The following BCAS3 variants were observed in gnomAD, a reference collection of about 807,000 sequenced individuals.
BCAS3 encodes BCAS3 microtubule associated cell migration factor, also known as BCAS4/BCAS3 fusion.
In BCAS3, 53 loss-of-function variants were observed where a neutral mutation model predicts 116.1. That is an observed-to-expected ratio of 0.46 (90% confidence interval 0.37 to 0.57). BCAS3 has a LOEUF of 0.57. BCAS3 is among the 20% of genes least tolerant of loss of function. BCAS3 has a pLI of 0.00. For missense variants in BCAS3, 917 were observed against 1,165.4 expected (o/e 0.79, Z 3.10); for synonymous variants, 391 against 408.2 (o/e 0.96, Z 0.51).
At chr17:60,927,264 G>GTT (rs1479322876) in intron 13 of BCAS3, among the ~76,000 whole-genome samples, 1 of 144,738 alleles carries the variant, frequency 6.9e-6, no homozygotes, top group African/African-American at 2.5e-5. Flanking sequence ...TTTTTTGTTT[G>GTT]TTTTTTTTTT....
chr17:61,201,385 TG>T (rs2080807082), intron 22 of BCAS3, among the ~76,000 whole-genome samples: 2 of 152,380 alleles, frequency 1.3e-5, no homozygotes, highest in East Asian at 3.9e-4. Context: ...GAATGTAATG[TG>T]GAAACCATCC....
At chr17:60,696,205 G>A (rs1392463836) in intron 4 of BCAS3, 2 of 152,236 alleles carry the variant, frequency 1.3e-5, no homozygotes, top group African/African-American at 4.8e-5. Context: ...TTGCTCAGCT[G>A]GTCATGTGCC....
intron 4 of BCAS3, among the ~76,000 whole-genome samples, chr17:60,700,373 C>T (rs1375726940): frequency 2.0e-5 from 3 of 152,116 alleles, no homozygotes; most frequent in African/African-American, 4.8e-5. Context: ...AAAGTGGTTC[C>T]TGGCTTTGCC....
At chr17:61,174,473 G>A (rs574024032) in intron 22 of BCAS3, among the ~76,000 whole-genome samples, 1 of 152,298 alleles carries the variant, frequency 6.6e-6, no homozygotes, top group South Asian at 2.1e-4. Flanking sequence ...GCTCATCCAT[G>A]TTGTCACAAA....
At chr17:60,727,384 A>T in intron 5 of BCAS3, 7 of 1,587,366 alleles carry the variant, frequency 4.4e-6, no homozygotes, top group Non-Finnish European at 6.1e-6. Flanking sequence ...TTCCCTGGGC[A>T]TACAAGGAAT....
intron 22 of BCAS3, among the ~76,000 whole-genome samples, chr17:61,231,715 A>G (rs139020034): frequency 7.2e-4 from 110 of 152,096 alleles, no homozygotes; most frequent in African/African-American, 2.6e-3. Context: ...CGTCTCTACA[A>G]AATAATTTTA....
At chr17:61,264,981 G>A (rs1178806834) in intron 22 of BCAS3, among the ~76,000 whole-genome samples, 1 of 152,220 alleles carries the variant, frequency 6.6e-6, no homozygotes, top group Non-Finnish European at 1.5e-5. Context: ...AAATTGCCCT[G>A]TGTGGTCTTT....
intron 23 of BCAS3, chr17:61,383,295 C>T (rs1222063824): frequency 6.6e-6 from 1 of 152,322 alleles, no homozygotes; most frequent in Non-Finnish European, 1.5e-5. Context: ...CCCTCAAGCA[C>T]TTCCTACTGT....
At chr17:60,919,104 T>C (rs1023424928) in intron 12 of BCAS3, among the ~76,000 whole-genome samples, 5 of 152,192 alleles carry the variant, frequency 3.3e-5, no homozygotes, top group African/African-American at 1.2e-4. Flanking sequence ...TCCTGAATTG[T>C]TTTTCTTATT....
chr17:60,935,872 T>A (rs1225805888), intron 13 of BCAS3, among the ~76,000 whole-genome samples: 1 of 152,008 alleles, frequency 6.6e-6, no homozygotes. Context: ...TTTTTTTTTT[T>A]ATACTTTAAG....
rs1321003995 is a variant in BCAS3, at chr17:61,220,122, C to T, written c.2425+135558C>T. ...CAGCCTGGCCAATACAGTGAAATCA[C>T]GTCTCTACTAATAATACAAAAATTA... On this transcript the variant is annotated intron_variant, in intron 22 of 23. Coordinates refer to ENST00000407086, the MANE Select transcript of BCAS3 (RefSeq NM_017679.5). This position sits in a 1 kb window ranked among gnomAD's most constrained non-coding sequence, Gnocchi z 4.5. Among the ~76,000 whole-genome samples, 10 of 152,034 alleles carry T rather than the reference C, an allele frequency of 6.6e-5. No individual in the cohort carries two copies. In the East Asian group the frequency reaches 1.4e-3, roughly 21 times the overall value.
chr17:60,893,154 A>T (rs919521665), intron 10 of BCAS3, among the ~76,000 whole-genome samples: 5 of 151,618 alleles, frequency 3.3e-5, no homozygotes, highest in African/African-American at 1.2e-4. Flanking sequence ...TCTTAGTTGG[A>T]TGCATAATTT....
At chr17:61,165,690 AAAACAAAC>A (rs559052743) in intron 22 of BCAS3, among the ~76,000 whole-genome samples, 1 of 152,338 alleles carries the variant, frequency 6.6e-6, no homozygotes, top group South Asian at 2.1e-4. Context: ...CTGTCTCAGA[AAAACAAAC>A]AAACAAACAA....
In BCAS3 at chr17:60,961,324, A is replaced by G. The variant is rs1224510120; in HGVS notation, c.1221+13972A>G. On this transcript the variant is annotated intron_variant, in intron 14 of 23. Coordinates refer to ENST00000407086, the MANE Select transcript of BCAS3 (RefSeq NM_017679.5). The surrounding 1 kb of genome is among the most constrained non-coding windows in gnomAD (Gnocchi z 4.8). The stretch of plus-strand genomic sequence containing the variant: ...TAGGGCATTACAGAGGTTTATCAGC[A>G]TACATGATTCTGGCGGCTGGCTAGG... Among the ~76,000 whole-genome samples the G allele has an allele frequency of 2.0e-5, 3 of 152,154 alleles. No homozygotes were observed. The highest frequency in any genetic ancestry group is 4.8e-5 in the African/African-American group (2 of 41,438).
intron 22 of BCAS3, among the ~76,000 whole-genome samples, chr17:61,350,789 C>T (rs1780807491): frequency 6.6e-6 from 1 of 152,124 alleles, no homozygotes; most frequent in African/African-American, 2.4e-5. Context: ...TGTGCCACCA[C>T]ACCTGGCTAC....
chr17:60,709,397 C>CTT (rs113697207), intron 5 of BCAS3, 72 bp downstream of exon 5: 208 of 804,904 alleles, frequency 2.6e-4, no homozygotes, highest in African/African-American at 1.3e-3. Context: ...TCTGTAGATA[C>CTT]TTTTTTTTTT....
intron 13 of BCAS3, among the ~76,000 whole-genome samples, chr17:60,936,222 T>G (rs1599803885): frequency 6.6e-6 from 1 of 150,574 alleles, no homozygotes; most frequent in Non-Finnish European, 1.5e-5. Flanking sequence ...TATTCCATGG[T>G]GTATATGTGC....
rs2058860271 is a variant in BCAS3, at chr17:61,368,489, G to A, written c.2588G>A (p.Gly863Glu). The change falls in exon 23 of 24, where the codon GGA becomes GAA. Residue 863 changes from glycine (G) to glutamate (E), a missense_variant. By Grantham distance (98) the Gly-to-Glu change is moderately conservative. Coordinates refer to ENST00000407086, the MANE Select transcript of BCAS3 (RefSeq NM_017679.5). The surrounding 1 kb of genome is among the most constrained non-coding windows in gnomAD (Gnocchi z 6.0). Reference sequence around the variant, plus strand: ...CCTAGCCGGGACGTCGTGGGATCCGGAACAGGTAAAGGTGTCATCAGACTT... The same window carrying A: ...CCTAGCCGGGACGTCGTGGGATCCGAAACAGGTAAAGGTGTCATCAGACTT... ...ESPSRDVVGSGTELQREGSIE... is the reference protein window; with the variant it reads ...ESPSRDVVGSETELQREGSIE... 6.2e-7 allele frequency: 1 copy of A among 1,604,260 alleles called. No individual in the cohort carries two copies. Among genetic ancestry groups the A allele is most frequent in the Middle Eastern group, 1.7e-4 (1 of 6,030 alleles).
At chr17:60,722,939 G>T (rs921384112) in intron 5 of BCAS3, among the ~76,000 whole-genome samples, 1 of 151,716 alleles carries the variant, frequency 6.6e-6, no homozygotes, top group Non-Finnish European at 1.5e-5. Flanking sequence ...AACTCAGGAG[G>T]TTGAGGGGAG....
Sources: gnomAD v4.1 joint callset for allele counts (sites outside exome capture counted in the v4.1 genomes callset) on GRCh38, gnomAD v4.1.1 for gene constraint, Gnocchi (gnomAD v3.1) non-coding constraint, MANE v1.5 for transcripts, NCBI Gene and HGNC (gene_info 2026-07-23, HGNC 2026-07-21) for gene names.